The following TLK1 variants were observed in gnomAD, a reference collection of about 807,000 sequenced individuals.
TLK1 encodes tousled like kinase 1.
A neutral mutation model predicts 105.3 loss-of-function variants in TLK1; 24 were observed. That is an observed-to-expected ratio of 0.23 (90% confidence interval 0.17 to 0.32). The LOEUF (loss-of-function observed/expected upper bound fraction) is 0.32, where lower values mean the gene tolerates loss of function less well. TLK1 is among the 10% of genes least tolerant of loss of function. TLK1 has a pLI of 1.00. For synonymous variants in TLK1, 321 were observed against 310.4 expected, an observed-to-expected ratio of 1.03 and a Z score of -0.36; for missense variants, 558 against 910.5, an observed-to-expected ratio of 0.61 and a Z score of 4.98.
At chr2:171,123,752 C>T (rs1419655711) in intron 1 of TLK1, among the ~76,000 whole-genome samples, 3 of 152,162 alleles carry the variant, frequency 2.0e-5, no homozygotes, top group African/African-American at 7.2e-5. Context: ...TACAGGCTTG[C>T]AGTGAGTCAT....
chr2:171,137,152 T>C (rs1009501965), intron 1 of TLK1, among the ~76,000 whole-genome samples: 1 of 151,998 alleles, frequency 6.6e-6, no homozygotes, highest in Non-Finnish European at 1.5e-5. Context: ...GTGAAACCCA[T>C]CTCTACAAAA....
intron 1 of TLK1, among the ~76,000 whole-genome samples, chr2:171,126,959 C>T (rs140717898): frequency 1.3e-5 from 2 of 151,388 alleles, no homozygotes; most frequent in Non-Finnish European, 2.9e-5. Context: ...TTAATGCACT[C>T]AAAAGTATCG....
At chr2:171,035,895 G>A (rs1306521606) in intron 11 of TLK1, among the ~76,000 whole-genome samples, 1 of 152,156 alleles carries the variant, frequency 6.6e-6, no homozygotes. Context: ...CTCTTCTAGA[G>A]TCTCTAGAAG....
chr2:171,084,196 C>A (rs3770423), intron 2 of TLK1, among the ~76,000 whole-genome samples: 3 of 151,788 alleles, frequency 2.0e-5, no homozygotes, highest in Non-Finnish European at 2.9e-5. Flanking sequence ...CAAAAGACAC[C>A]TAAAACAGCC....
rs376177885 is a variant in TLK1 at position 171,013,611 on chromosome 2, T to C, written c.1334+1240A>G. On this transcript the variant is annotated intron_variant, in intron 13 of 20. Transcript: ENST00000431350. Reference sequence around the variant, plus strand: ...ATAAGCCAGCACACCTGGCTTTCATTAGAATTTTAATCTGACATAATTTAG... The same window carrying C: ...ATAAGCCAGCACACCTGGCTTTCATCAGAATTTTAATCTGACATAATTTAG... Among the ~76,000 whole-genome samples the C allele has an allele frequency of 5.3e-5, 8 of 152,284 alleles. No individual in the cohort carries two copies. The East Asian group carries it at 1.4e-3, about 26-fold the overall frequency.
intron 6 of TLK1, among the ~76,000 whole-genome samples, chr2:171,056,129 T>C (rs901658913): frequency 1.3e-5 from 2 of 152,042 alleles, no homozygotes; most frequent in African/African-American, 4.8e-5. Flanking sequence ...AATTCAATTG[T>C]TAAGAAAGTT....
Position 170,995,636 on chromosome 2 carries a change from A to C in TLK1, c.2124+1017T>G, listed in dbSNP as rs149905002. 4.0e-4 allele frequency among the ~76,000 whole-genome samples: 61 copies of C among 152,352 alleles called. 1 individual carries two copies. The East Asian group carries it at 5.6e-3, about 14-fold the overall frequency. On this transcript the variant is annotated intron_variant, in intron 20 of 20. Transcript: ENST00000431350. ...CAAGATTTAGATGTCAGCACAGTTA[A>C]AATATTTTTAAAGGAGTCATATTTA... is the stretch of plus-strand genomic sequence containing the variant.
intron 6 of TLK1, among the ~76,000 whole-genome samples, chr2:171,055,656 G>A (rs13003218): frequency 0.2 from 29,746 of 151,908 alleles, 3,717 homozygotes; most frequent in Non-Finnish European, 0.28. Flanking sequence ...TTATAACATT[G>A]TATCAGCGCT....
At chr2:171,106,963 C>A (rs1314697176) in intron 2 of TLK1, among the ~76,000 whole-genome samples, 2 of 152,222 alleles carry the variant, frequency 1.3e-5, no homozygotes, top group African/African-American at 4.8e-5. Flanking sequence ...TTCCTCCAGT[C>A]CAGGTGCAAA....
chr2:171,227,585 T>TTG (rs1693923914), intron 1 of TLK1, among the ~76,000 whole-genome samples: 2 of 140,622 alleles, frequency 1.4e-5, no homozygotes, highest in Non-Finnish European at 3.1e-5. Context: ...TTTTTTTTTT[T>TTG]TTTTTTTTTT....
At chr2:171,146,037 G>A (rs1448159604) in intron 1 of TLK1, among the ~76,000 whole-genome samples, 1 of 152,034 alleles carries the variant, frequency 6.6e-6, no homozygotes, top group Non-Finnish European at 1.5e-5. Context: ...TGCCTTTTCA[G>A]TATGTGTTAT....
At position 171,197,064 on chromosome 2, in the gene TLK1, G is replaced by A. The variant is rs1194753182; in HGVS notation, c.-6+34081C>T. On this transcript the variant is annotated intron_variant, in intron 1 of 20. Transcript: ENST00000521943. ...CAGGAGAACCCTAAGTGTGGGGAAAGTACAAAGAAAAAAAATACTCAGTAG... is the reference window on the plus strand; with the variant it reads ...CAGGAGAACCCTAAGTGTGGGGAAAATACAAAGAAAAAAAATACTCAGTAG... Among the ~76,000 whole-genome samples, 3 of 151,900 alleles carry A rather than the reference G, an allele frequency of 2.0e-5. No homozygotes were observed. In the East Asian group the frequency reaches 5.8e-4, roughly 29 times the overall value.
At chr2:171,162,886 G>A (rs540906009), upstream of TLK1, among the ~76,000 whole-genome samples, 1 of 152,160 alleles carries the variant, frequency 6.6e-6, no homozygotes, top group Non-Finnish European at 1.5e-5. Context: ...TCCGCCTCCC[G>A]GGTTCAAATG....
chr2:171,117,766 A>G lies in TLK1; in HGVS notation c.231T>C (p.Ser77=). Residue 77 remains serine, a synonymous_variant, in exon 2 of 21, where the codon AGT becomes AGC. Coordinates refer to ENST00000431350, the MANE Select transcript of TLK1 (RefSeq NM_012290.5). ...TAGCTCCAACACTGCAACTGCCCGT[A>G]CTTCCAGTGCTCCCACTTGCAACTC... ...FTGVASGSTG[S]TGSCSVGAKA... 1 of 1,613,960 alleles carries G rather than the reference A, an allele frequency of 6.2e-7. No homozygotes were observed. The highest frequency in any genetic ancestry group is 8.5e-7 in the Non-Finnish European group (1 of 1,179,964).
At chr2:171,078,395 G>T (rs144185556) in intron 3 of TLK1, among the ~76,000 whole-genome samples, 1 of 152,172 alleles carries the variant, frequency 6.6e-6, no homozygotes, top group African/African-American at 2.4e-5. Context: ...AAAATTAGCC[G>T]GGCATGGTGG....
At chr2:171,117,613 T>C in intron 2 of TLK1, 126 bp downstream of exon 2, 1 of 720,152 alleles carries the variant, frequency 1.4e-6, no homozygotes. Context: ...TGAACACTGA[T>C]CTTATTCTAC....
intron 2 of TLK1, among the ~76,000 whole-genome samples, chr2:171,111,905 C>A (rs1690189234): frequency 6.6e-6 from 1 of 152,072 alleles, no homozygotes. Context: ...ATGTAAAAAT[C>A]CTAAATAATT....
chr2:171,096,512 A>G (rs1390463894), intron 2 of TLK1, among the ~76,000 whole-genome samples: 1 of 151,926 alleles, frequency 6.6e-6, no homozygotes, highest in African/African-American at 2.4e-5. Flanking sequence ...ATCCCAGCAC[A>G]TTGGGAGGCC....
chr2:171,121,014 T>C (rs994355590), intron 1 of TLK1, among the ~76,000 whole-genome samples: 5 of 152,086 alleles, frequency 3.3e-5, no homozygotes, highest in African/African-American at 1.2e-4. Flanking sequence ...TCTCCGAAGA[T>C]ATGCTAAGTA....
Sources: allele counts gnomAD v4.1 joint callset (sites outside exome capture counted in the v4.1 genomes callset), GRCh38; gene constraint gnomAD v4.1.1; transcripts MANE v1.5; gene names NCBI Gene and HGNC (gene_info 2026-07-23, HGNC 2026-07-21).